The following RABGAP1 variants were observed in gnomAD, a reference collection of about 807,000 sequenced individuals.
The protein encoded by RABGAP1 is rab GTPase-activating protein 1.
A neutral mutation model predicts 137.6 loss-of-function variants in RABGAP1; 23 were observed. The ratio of observed to expected loss-of-function variants is 0.17; its 90% CI spans 0.12 to 0.24. The LOEUF (loss-of-function observed/expected upper bound fraction) is 0.24, where lower values mean the gene tolerates loss of function less well. Ranked by LOEUF, RABGAP1 falls within the 10% of genes least tolerant of loss-of-function variation. The pLI is 1.00. For synonymous variants in RABGAP1, 451 were observed against 450.7 expected (o/e 1.00, Z -0.01); for missense variants, 906 against 1,275.8 (o/e 0.71, Z 4.42).
At chr9:122,947,252 G>A (rs1833994021) in intron 1 of RABGAP1, among the ~76,000 whole-genome samples, 1 of 152,168 alleles carries the variant, frequency 6.6e-6, no homozygotes, top group African/African-American at 2.4e-5. Context: ...GATAAATATT[G>A]TGTAATTCCA....
At chr9:123,001,317 A>G (rs192338412) in intron 10 of RABGAP1, among the ~76,000 whole-genome samples, 37 of 152,342 alleles carry the variant, frequency 2.4e-4, no homozygotes, top group Non-Finnish European at 2.9e-4. Context: ...GTAGTTCTCA[A>G]TAAATATACG....
At chr9:123,012,028 A>G (rs558900907) in intron 11 of RABGAP1, among the ~76,000 whole-genome samples, 1 of 152,376 alleles carries the variant, frequency 6.6e-6, no homozygotes, top group African/African-American at 2.4e-5. Context: ...TTACACAGCT[A>G]GAAATTGGCA....
chr9:122,965,232 C>A (rs1391964087), intron 2 of RABGAP1, among the ~76,000 whole-genome samples: 1 of 152,004 alleles, frequency 6.6e-6, no homozygotes, highest in Admixed American at 6.5e-5. Flanking sequence ...CAAAAGACTA[C>A]AGATTACATA....
intron 6 of RABGAP1, among the ~76,000 whole-genome samples, chr9:122,995,515 A>AT (rs1036796080): frequency 3.9e-4 from 59 of 149,448 alleles, no homozygotes; most frequent in African/African-American, 1.3e-3. Context: ...CATAGGAGTG[A>AT]TTTTTTTAGC....
intron 13 of RABGAP1, among the ~76,000 whole-genome samples, chr9:123,030,275 C>CCTCT (rs2032225043): frequency 6.6e-6 from 1 of 152,172 alleles, no homozygotes; most frequent in Non-Finnish European, 1.5e-5. Context: ...ACAAGTGGAA[C>CCTCT]AGAGCCCCAT....
intron 1 of RABGAP1, among the ~76,000 whole-genome samples, chr9:122,955,565 A>G (rs1190056415): frequency 6.6e-6 from 1 of 152,260 alleles, no homozygotes; most frequent in African/African-American, 2.4e-5. Context: ...CTGTGCCATT[A>G]ACTGGTTAAA....
At chr9:123,059,265 C>T (rs764723100) in intron 13 of RABGAP1, among the ~76,000 whole-genome samples, 1 of 152,112 alleles carries the variant, frequency 6.6e-6, no homozygotes, top group Admixed American at 6.5e-5. Context: ...ATGTTAAAAC[C>T]TAACCATGGC....
At chr9:123,043,739 C>G (rs2033067131) in intron 13 of RABGAP1, among the ~76,000 whole-genome samples, 1 of 151,806 alleles carries the variant, frequency 6.6e-6, no homozygotes, top group Non-Finnish European at 1.5e-5. Context: ...AAAATAGCAA[C>G]TTAAGCATTT....
intron 13 of RABGAP1, chr9:123,061,859 C>T (rs1323743366): frequency 1.3e-5 from 2 of 152,240 alleles, no homozygotes; most frequent in African/African-American, 2.4e-5. Flanking sequence ...ATACTAACTA[C>T]AGCCTCCTTA....
intron 1 of RABGAP1, among the ~76,000 whole-genome samples, chr9:122,945,146 G>GTTTTTTTTTTTTT (rs1564348056): frequency 1.1e-4 from 1 of 9,178 alleles, no homozygotes; most frequent in Non-Finnish European, 6.4e-4. Context: ...CATAGCTGTT[G>GTTTTTTTTTTTTT]CTTTTTTTTT....
chr9:122,944,339 C>A (rs1246174726), intron 1 of RABGAP1, among the ~76,000 whole-genome samples: 1 of 151,400 alleles, frequency 6.6e-6, no homozygotes, highest in Non-Finnish European at 1.5e-5. Flanking sequence ...CAGTGATCCT[C>A]CTGCTTCAGC....
At chr9:123,087,250 A>G (rs1395148291) in intron 19 of RABGAP1, among the ~76,000 whole-genome samples, 4 of 152,204 alleles carry the variant, frequency 2.6e-5, no homozygotes, top group African/African-American at 9.7e-5. Flanking sequence ...ATCTATGGGG[A>G]AAAATGTTAA....
At chr9:122,996,494 T>G (rs756099868) in intron 7 of RABGAP1, 45 bp from the exon 8 acceptor site, 2 of 1,532,772 alleles carry the variant, frequency 1.3e-6, no homozygotes, top group Non-Finnish European at 1.8e-6. Context: ...AACGTTCTTT[T>G]GTGTTATCTT....
rs552025350 is a variant in RABGAP1 at position 122,951,021 on chromosome 9, T to C, written c.-49-5990T>C. Among the ~76,000 whole-genome samples, 114 of 152,212 alleles carry C rather than the reference T, an allele frequency of 7.5e-4. 1 individual carries two copies. Among genetic ancestry groups the C allele is most frequent in the Non-Finnish European group, 1.0e-3 (69 of 68,028 alleles). On this transcript the variant is annotated intron_variant, in intron 1 of 25. Coordinates refer to ENST00000373647, the MANE Select transcript of RABGAP1 (RefSeq NM_012197.4). ...AATAATTCTTTGGGTTGTGAAATTTTGTAGTATTGATGGTTTTTAAGGGGT... is the reference window on the plus strand; with the variant it reads ...AATAATTCTTTGGGTTGTGAAATTTCGTAGTATTGATGGTTTTTAAGGGGT...
At chr9:123,034,985 T>C (rs2032540242) in intron 13 of RABGAP1, 6 of 1,613,720 alleles carry the variant, frequency 3.7e-6, no homozygotes, top group Non-Finnish European at 5.1e-6. Flanking sequence ...TATAATACTC[T>C]GGTTACACCC....
At chr9:122,999,331 T>C (rs1837205483) in intron 10 of RABGAP1, among the ~76,000 whole-genome samples, 1 of 151,430 alleles carries the variant, frequency 6.6e-6, no homozygotes. Context: ...CTAAAGTGTA[T>C]GCCAGCATGC....
At chr9:123,015,445 C>A in intron 11 of RABGAP1, 98 bp from the exon 12 acceptor site, 1 of 667,048 alleles carries the variant, frequency 1.5e-6, no homozygotes, top group Non-Finnish European at 2.5e-6. Context: ...CTTTATGCTC[C>A]CAGTAAAGTC....
At chr9:123,076,583 G>A in intron 18 of RABGAP1, 51 bp from the exon 19 acceptor site, 1 of 1,539,270 alleles carries the variant, frequency 6.5e-7, no homozygotes. Flanking sequence ...AACTTCTTGT[G>A]CATCCTTATA....
rs1057348810 is a variant in RABGAP1 at position 122,984,519 on chromosome 9, A to G, written c.185A>G (p.Lys62Arg). The change falls in exon 3 of 26, where the codon AAA becomes AGA. Residue 62 changes from lysine (K) to arginine (R), a missense_variant. This residue lies in a region of RABGAP1 where 331 missense variants were observed against 358.3 expected (regional missense o/e 0.92). Coordinates refer to ENST00000373647, the MANE Select transcript of RABGAP1 (RefSeq NM_012197.4). Reference protein sequence around the residue: ...VGNGSEQQLQKELADVLMDPP... With the variant: ...VGNGSEQQLQRELADVLMDPP... ...AATGGAAGTGAACAGCAGCTGCAAA[A>G]AGAGCTAGCAGATGTACTGATGGAT... 8 of 1,614,160 alleles carry G rather than the reference A, an allele frequency of 5.0e-6. No homozygotes were observed. The highest frequency in any genetic ancestry group is 5.9e-6 in the Non-Finnish European group (7 of 1,180,020).
Sources: gnomAD v4.1 joint callset for allele counts (sites outside exome capture counted in the v4.1 genomes callset) on GRCh38, gnomAD v4.1.1 for gene constraint, gnomAD v4.1.1 regional missense constraint, MANE v1.5 for transcripts, NCBI Gene and HGNC (gene_info 2026-07-23, HGNC 2026-07-21) for gene names.